Variants in GLT6D1 observed in about 807,000 individuals in gnomAD.
GLT6D1 encodes glycosyltransferase 6 domain containing 1.
GLT6D1 carries 9 observed loss-of-function variants against 12.3 expected under a neutral mutation model. The ratio of observed to expected loss-of-function variants is 0.73; its 90% confidence interval spans 0.44 to 1.27. GLT6D1 has a LOEUF of 1.27. Ranked by LOEUF, GLT6D1 falls within the 50% of genes most tolerant of loss-of-function variation. The pLI is 0.00. For synonymous variants in GLT6D1, 128 were observed against 132.3 expected, an observed-to-expected ratio of 0.97 and a Z score of 0.23; for missense variants, 335 against 346.2, an observed-to-expected ratio of 0.97 and a Z score of 0.26.
chr9:135,632,879 G>A (rs1833681185), intron 2 of GLT6D1, among the ~76,000 whole-genome samples: 1 of 152,064 alleles, frequency 6.6e-6, no homozygotes, highest in Non-Finnish European at 1.5e-5. Flanking sequence ...TGTTGGCCAG[G>A]ATGGTCTCCA....
upstream of GLT6D1, among the ~76,000 whole-genome samples, chr9:135,640,998 C>A (rs1468554254): frequency 6.6e-6 from 1 of 152,158 alleles, no homozygotes; most frequent in South Asian, 2.1e-4. Flanking sequence ...TGATGAGCTG[C>A]CTGTCTGTCA....
At chr9:135,624,889 C>G (rs1213373690) in intron 4 of GLT6D1, among the ~76,000 whole-genome samples, 1 of 140,940 alleles carries the variant, frequency 7.1e-6, no homozygotes, top group Non-Finnish European at 1.5e-5. Flanking sequence ...GCCACCACGC[C>G]CAGGTAATTT....
rs1311774571 is a variant in GLT6D1, at chr9:135,639,386, T to G, written c.-100A>C. On this transcript the variant is annotated 5_prime_UTR_variant, in exon 1 of 5. Coordinates refer to ENST00000371763, the MANE Select transcript of GLT6D1 (RefSeq NM_182974.3). Reference sequence around the variant, plus strand: ...TCCTTCAAGTGCCCGGGGCTGACTGTTCCCCGTGGGTCAGCTGCACGTGCA... The same window carrying G: ...TCCTTCAAGTGCCCGGGGCTGACTGGTCCCCGTGGGTCAGCTGCACGTGCA... The G allele has an allele frequency of 1.5e-5, 7 of 472,498 alleles. No homozygotes were observed. The Admixed American group carries it at 1.5e-4, about 10-fold the overall frequency. 29.3% of individuals were successfully genotyped at this position (472,498 alleles called of 1,614,324 possible). A position where few individuals can be genotyped will look rare whatever the true frequency, so the allele number is the denominator to read the frequency against.
At chr9:135,638,332 G>A (rs970468641) in intron 2 of GLT6D1, among the ~76,000 whole-genome samples, 5 of 152,136 alleles carry the variant, frequency 3.3e-5, no homozygotes, top group African/African-American at 1.2e-4. Flanking sequence ...ATTTGGGTGG[G>A]GAAAGAGCCA....
At chr9:135,633,105 T>C (rs1833685844) in intron 2 of GLT6D1, among the ~76,000 whole-genome samples, 1 of 152,178 alleles carries the variant, frequency 6.6e-6, no homozygotes, top group Admixed American at 6.5e-5. Context: ...TCTTCAGGGA[T>C]TAGAGCTGTC....
intron 4 of GLT6D1, among the ~76,000 whole-genome samples, chr9:135,625,542 A>G (rs888782480): frequency 2.0e-5 from 3 of 152,208 alleles, no homozygotes; most frequent in Non-Finnish European, 4.4e-5. Context: ...ATAAAACTTT[A>G]CTAGTCTGCA....
Position 135,623,831 on chromosome 9 carries a change from T to C in GLT6D1, c.*266A>G. ...TTAACATTAAGTAATTATCCTTTTATTCTTTATCCTACATTAGCCAAATAA... is the reference window on the plus strand; with the variant it reads ...TTAACATTAAGTAATTATCCTTTTACTCTTTATCCTACATTAGCCAAATAA... On this transcript the variant is annotated 3_prime_UTR_variant, in exon 5 of 5. Transcript: ENST00000371763. 5.4e-6 allele frequency: 2 copies of C among 372,758 alleles called. No homozygotes were observed. Among genetic ancestry groups the C allele is most frequent in the South Asian group, 8.5e-5 (2 of 23,404 alleles). The allele number at this position is 372,758 out of a possible 1,614,324, so 23.1% of individuals were successfully genotyped here. A position where few individuals can be genotyped will look rare whatever the true frequency, so the allele number is the denominator to read the frequency against.
At chr9:135,636,668 TC>T (rs1466173801) in intron 2 of GLT6D1, among the ~76,000 whole-genome samples, 20 of 152,118 alleles carry the variant, frequency 1.3e-4, no homozygotes. Flanking sequence ...CACCTATTCA[TC>T]CCCTCCCTCA....
chr9:135,632,275 G>A (rs943138987), intron 2 of GLT6D1, among the ~76,000 whole-genome samples: 1 of 152,070 alleles, frequency 6.6e-6, no homozygotes, highest in Non-Finnish European at 1.5e-5. Flanking sequence ...TGGGACCACA[G>A]GGGTGTGCCA....
Position 135,624,402 on chromosome 9 carries a change from G to A in GLT6D1, c.526C>T (p.Gln176Ter). Residue 176 changes from glutamine (Q) to a stop codon, truncating the protein, a stop_gained, in exon 5 of 5, where the codon CAG becomes TAG. Transcript: ENST00000371763. LOFTEE classifies it low-confidence loss of function (END_TRUNC). ...VDFLFSMAAN[Q>*]VFQNEFGVET... ...ACCCCGAACTCATTCTGGAAGACCTGGTTGGCAGCCATGCTGAAGAGGAAG... is the reference window on the plus strand; with the variant it reads ...ACCCCGAACTCATTCTGGAAGACCTAGTTGGCAGCCATGCTGAAGAGGAAG... The A allele has an allele frequency of 6.2e-7, 1 of 1,614,194 alleles. No homozygotes were observed. Among genetic ancestry groups the A allele is most frequent in the Admixed American group, 1.7e-5 (1 of 60,034 alleles).
intron 3 of GLT6D1, among the ~76,000 whole-genome samples, chr9:135,629,594 T>TATAG (rs1199683349): frequency 3.9e-5 from 6 of 152,246 alleles, no homozygotes; most frequent in African/African-American, 1.4e-4. Context: ...TAGGTGGTTC[T>TATAG]ATAGATGTTT....
intron 2 of GLT6D1, among the ~76,000 whole-genome samples, chr9:135,634,649 T>G (rs565641268): frequency 6.6e-6 from 1 of 152,036 alleles, no homozygotes; most frequent in Non-Finnish European, 1.5e-5. Flanking sequence ...GAAGCAACAC[T>G]GATGCTGTAT....
In GLT6D1 at chr9:135,624,555, C is replaced by T. The variant is rs374930803; in HGVS notation, c.373G>A (p.Glu125Lys). The part of the protein sequence containing the change: ...VDAFFKLPDI[E>K]PSPLRTFKAF... Reference sequence around the variant, plus strand: ...TTGAACGTTCGAAGAGGACTGGGCTCTATGTCAGGCAGCTTGAAGAAGGCG... The same window carrying T: ...TTGAACGTTCGAAGAGGACTGGGCTTTATGTCAGGCAGCTTGAAGAAGGCG... The change falls in exon 5 of 5, where the codon GAG (glutamate) becomes AAG (lysine). Residue 125 changes from glutamate (E) to lysine (K), a missense_variant. Coordinates refer to ENST00000371763, the MANE Select transcript of GLT6D1 (RefSeq NM_182974.3). The T allele has an allele frequency of 6.2e-7, 1 of 1,613,876 alleles. No individual in the cohort carries two copies.
At chr9:135,641,216 C>G (rs1297617133), upstream of GLT6D1, among the ~76,000 whole-genome samples, 1 of 152,200 alleles carries the variant, frequency 6.6e-6, no homozygotes, top group Non-Finnish European at 1.5e-5. Flanking sequence ...ATCTACTGCT[C>G]TCCTAGCGCT....
intron 2 of GLT6D1, among the ~76,000 whole-genome samples, chr9:135,637,723 A>G (rs2119154487): frequency 6.6e-6 from 1 of 152,224 alleles, no homozygotes; most frequent in Middle Eastern, 3.4e-3. Flanking sequence ...TCTTTTGCTC[A>G]TTTTTAAATG....
chr9:135,626,655 C>G (rs1006591731), intron 3 of GLT6D1, among the ~76,000 whole-genome samples: 1 of 152,114 alleles, frequency 6.6e-6, no homozygotes, highest in Admixed American at 6.5e-5. Flanking sequence ...CTTTATTTTT[C>G]CCTCCTTCTC....
chr9:135,632,238 T>C (rs1394444523), intron 2 of GLT6D1, among the ~76,000 whole-genome samples: 2 of 151,302 alleles, frequency 1.3e-5, no homozygotes, highest in African/African-American at 2.4e-5. Flanking sequence ...GCTCAAGCAA[T>C]CCTCCCACCT....
chr9:135,630,557 T>C (rs1167977726), intron 3 of GLT6D1, among the ~76,000 whole-genome samples: 4 of 150,786 alleles, frequency 2.7e-5, no homozygotes, highest in Non-Finnish European at 5.9e-5. Flanking sequence ...CTGTCTCTAC[T>C]AAAAATACAA....
At chr9:135,637,490 C>T (rs964491487) in intron 2 of GLT6D1, among the ~76,000 whole-genome samples, 4 of 151,980 alleles carry the variant, frequency 2.6e-5, no homozygotes, top group Admixed American at 1.3e-4. Context: ...GTACCTGTAA[C>T]ATTTTGCATT....
Sources: gnomAD v4.1 joint callset for allele counts (sites outside exome capture counted in the v4.1 genomes callset) on GRCh38, gnomAD v4.1.1 for gene constraint, MANE v1.5 for transcripts, NCBI Gene and HGNC (gene_info 2026-07-23, HGNC 2026-07-21) for gene names.